USP6NL: variants seen among roughly 807,000 people sequenced by gnomAD.
The protein encoded by USP6NL is USP6 N-terminal-like protein.
In USP6NL, 26 loss-of-function variants were observed where a neutral mutation model predicts 61.9. The ratio of observed to expected loss-of-function variants is 0.42; its 90% CI spans 0.31 to 0.58. The LOEUF (loss-of-function observed/expected upper bound fraction) is 0.58. Among genes scored for constraint, USP6NL ranks in the 20% least tolerant of loss-of-function variants. USP6NL has a pLI of 0.16. For missense variants in USP6NL, 1,114 were observed against 1,034.3 expected (o/e 1.08, Z -1.06); for synonymous variants, 432 against 390.1 (o/e 1.11, Z -1.27).
At chr10:11,573,776 G>C (rs1262363905) in intron 2 of USP6NL, 3 of 396,904 alleles carry the variant, frequency 7.6e-6, no homozygotes, top group African/African-American at 4.1e-5. Flanking sequence ...GCTCAAGCAC[G>C]AACACAGTTC....
chr10:11,463,593 A>G lies in USP6NL; in HGVS notation c.1335T>C (p.Asp445=). The G allele has an allele frequency of 6.2e-7, 1 of 1,613,978 alleles. No homozygotes were observed. ...SVEEESKKLK[D]EADFQRKLPS... The stretch of plus-strand genomic sequence containing the variant: ...GGAGTTTTCTTTGAAAATCTGCCTC[A>G]TCTTTAAGCTTTTTGCTCTCCTCCT... The change falls in exon 15 of 15, where the codon GAT becomes GAC. Residue 445 remains aspartate, a synonymous_variant. Coordinates refer to ENST00000609104, the MANE Select transcript of USP6NL (RefSeq NM_014688.5). The surrounding 1 kb of genome is among the most constrained non-coding windows in gnomAD (Gnocchi z 6.3).
At position 11,585,381 on chromosome 10, in the gene USP6NL, A is replaced by T. The variant is rs1837927053; in HGVS notation, c.4+12250T>A. 6.6e-6 allele frequency among the ~76,000 whole-genome samples: 1 copy of T among 152,234 alleles called. No homozygotes were observed. Among genetic ancestry groups the T allele is most frequent in the Admixed American group, 6.5e-5 (1 of 15,282 alleles). On this transcript the variant is annotated intron_variant, in intron 2 of 14. Transcript: ENST00000609104. The surrounding 1 kb of genome is among the most constrained non-coding windows in gnomAD (Gnocchi z 4.5). ...AGAAGAATTGAAAGCAGGGTTCCAA[A>T]GATGTATTTGTACACCCATGGTTCA...
At chr10:11,601,497 T>C (rs1185378657) in intron 1 of USP6NL, among the ~76,000 whole-genome samples, 1 of 152,242 alleles carries the variant, frequency 6.6e-6, no homozygotes, top group Non-Finnish European at 1.5e-5. Context: ...GACATCATTA[T>C]GTCAGTCTTT....
chr10:11,537,339 T>C lies in USP6NL; in HGVS notation c.5-9772A>G, dbSNP rs1305492801. 6.6e-6 allele frequency among the ~76,000 whole-genome samples: 1 copy of C among 152,120 alleles called. No individual in the cohort carries two copies. Among genetic ancestry groups the C allele is most frequent in the African/African-American group, 2.4e-5 (1 of 41,422 alleles). On this transcript the variant is annotated intron_variant, in intron 2 of 14. Coordinates refer to ENST00000609104, the MANE Select transcript of USP6NL (RefSeq NM_014688.5). This position sits in a 1 kb window ranked among gnomAD's most constrained non-coding sequence, Gnocchi z 5.1. ...GTTGCCCTGGCTGGTCTCGAACTCCTGGGCTGGGGCAATCCACCCACCTTG... is the reference window on the plus strand; with the variant it reads ...GTTGCCCTGGCTGGTCTCGAACTCCCGGGCTGGGGCAATCCACCCACCTTG...
intron 2 of USP6NL, among the ~76,000 whole-genome samples, chr10:11,581,995 G>A (rs1282919565): frequency 1.3e-5 from 2 of 151,756 alleles, no homozygotes; most frequent in African/African-American, 4.8e-5. Context: ...ACGGAGTTTC[G>A]CTCTTGTCTC....
At chr10:11,498,738 G>A (rs1591847520) in intron 7 of USP6NL, among the ~76,000 whole-genome samples, 1 of 151,962 alleles carries the variant, frequency 6.6e-6, no homozygotes, top group Non-Finnish European at 1.5e-5. Context: ...ATCAGGGAAG[G>A]TCTTTGCAAT....
chr10:11,598,253 TCATAA>T lies in USP6NL; in HGVS notation c.-83-541_-83-537del, dbSNP rs1838394436. On this transcript the variant is annotated intron_variant, in intron 1 of 14. Coordinates refer to ENST00000609104, the MANE Select transcript of USP6NL (RefSeq NM_014688.5). This position sits in a 1 kb window ranked among gnomAD's most constrained non-coding sequence, Gnocchi z 4.7. ...AGAATAACAATAAGGTAAACTTCTC[TCATAA>T]CATATTACCCTAACCCCTACATCTA... Among the ~76,000 whole-genome samples the T allele has an allele frequency of 2.0e-5, 3 of 152,196 alleles. No individual in the cohort carries two copies. The South Asian group carries it at 6.2e-4, about 32-fold the overall frequency.
rs1464298206 is a variant in USP6NL, at chr10:11,499,887, TTTTC to T, written c.384+1210_384+1213del. Among the ~76,000 whole-genome samples the T allele has an allele frequency of 1.3e-5, 2 of 152,116 alleles. No individual in the cohort carries two copies. The highest frequency in any genetic ancestry group is 3.8e-4 in the East Asian group (2 of 5,202). ...GAATACAGCATGTAAATAAAGTGCTTTTTCTTTCATTTTCTACTTTCATTATTTA... is the reference window on the plus strand; with the variant it reads ...GAATACAGCATGTAAATAAAGTGCTTTTTCATTTTCTACTTTCATTATTTA... On this transcript the variant is annotated intron_variant, in intron 7 of 14. Transcript: ENST00000609104. The surrounding 1 kb of genome is among the most constrained non-coding windows in gnomAD (Gnocchi z 4.5).
At chr10:11,593,825 G>A (rs912578634) in intron 2 of USP6NL, among the ~76,000 whole-genome samples, 1 of 152,190 alleles carries the variant, frequency 6.6e-6, no homozygotes, top group Non-Finnish European at 1.5e-5. Context: ...GTTAGAGCCA[G>A]GTGCCTCTAA....
chr10:11,471,965 T>TAA (rs543232536), intron 14 of USP6NL, among the ~76,000 whole-genome samples: 11,873 of 137,762 alleles, frequency 0.086, 549 homozygotes, highest in South Asian at 0.2. Context: ...CCCTAAAACT[T>TAA]AAAAAAAAAA....
At chr10:11,552,606 T>C (rs1247058028) in intron 2 of USP6NL, among the ~76,000 whole-genome samples, 1 of 152,214 alleles carries the variant, frequency 6.6e-6, no homozygotes, top group Non-Finnish European at 1.5e-5. Context: ...AGGGTGGGAA[T>C]AAGATCAAGG....
chr10:11,532,920 T>C lies in USP6NL; in HGVS notation c.5-5353A>G, dbSNP rs1056342825. Reference sequence around the variant, plus strand: ...AATATGTACTACAAGTACTGTAAGATGGCACTACAAATTTTTCCATTCTGT... The same window carrying C: ...AATATGTACTACAAGTACTGTAAGACGGCACTACAAATTTTTCCATTCTGT... On this transcript the variant is annotated intron_variant, in intron 2 of 14. Coordinates refer to ENST00000609104, the MANE Select transcript of USP6NL (RefSeq NM_014688.5). This position sits in a 1 kb window ranked among gnomAD's most constrained non-coding sequence, Gnocchi z 4.1. 2.0e-5 allele frequency among the ~76,000 whole-genome samples: 3 copies of C among 152,222 alleles called. No homozygotes were observed. Among genetic ancestry groups the C allele is most frequent in the Non-Finnish European group, 2.9e-5 (2 of 68,050 alleles).
At chr10:11,570,018 G>C (rs1440372457) in intron 2 of USP6NL, among the ~76,000 whole-genome samples, 1 of 152,050 alleles carries the variant, frequency 6.6e-6, no homozygotes. Flanking sequence ...CTCCTCCTTT[G>C]GGATGCTCAC....
rs199595275 is a variant in USP6NL, at chr10:11,490,843, T to C, written c.532A>G (p.Ile178Val). Residue 178 changes from isoleucine (I) to valine (V), a missense_variant, in exon 9 of 15, where the codon ATT becomes GTT. Ile to Val is a conservative substitution (Grantham distance 29). Coordinates refer to ENST00000609104, the MANE Select transcript of USP6NL (RefSeq NM_014688.5). This position sits in a 1 kb window ranked among gnomAD's most constrained non-coding sequence, Gnocchi z 4.5. ...SLFHVLAAYS[I>V]YNTEVGYCQG... ...AGGCCCCAACTTACCGTGTTATAAA[T>C]AGAATAGGCAGCAAGCACATGGAAT... 2.2e-4 allele frequency: 349 copies of C among 1,553,678 alleles called. No homozygotes were observed. Among genetic ancestry groups the C allele is most frequent in the Non-Finnish European group, 2.8e-4 (318 of 1,149,298 alleles).
rs1834079518 is a variant in USP6NL, at chr10:11,499,424, GTAC to G, written c.384+1674_384+1676del. ...GTCTAAAATATAACTGAAAATTAGA[GTAC>G]TATTAGCAGGCAAGCTGGGATGAAT... On this transcript the variant is annotated intron_variant, in intron 7 of 14. Transcript: ENST00000609104. The surrounding 1 kb of genome is among the most constrained non-coding windows in gnomAD (Gnocchi z 4.5). 6.6e-6 allele frequency among the ~76,000 whole-genome samples: 1 copy of G among 152,148 alleles called. No homozygotes were observed. The highest frequency in any genetic ancestry group is 1.5e-5 in the Non-Finnish European group (1 of 68,016).
In USP6NL at chr10:11,546,458, G is replaced by A. The variant is rs147550264; in HGVS notation, c.5-18891C>T. ...GATCTGTCGCCCAGGCTGGAGTGAA[G>A]TGGCACGATCTAGGTTCACCGCAAC... On this transcript the variant is annotated intron_variant, in intron 2 of 14. Transcript: ENST00000609104. Among the ~76,000 whole-genome samples, 177 of 152,238 alleles carry A rather than the reference G, an allele frequency of 1.2e-3. No homozygotes were observed. The East Asian group carries it at 0.031, about 27-fold the overall frequency.
At chr10:11,507,805 CAACT>C (rs1834522245) in intron 6 of USP6NL, among the ~76,000 whole-genome samples, 1 of 152,170 alleles carries the variant, frequency 6.6e-6, no homozygotes, top group Non-Finnish European at 1.5e-5. Context: ...TGCTTTACAT[CAACT>C]AACTTATTTA....
intron 2 of USP6NL, chr10:11,564,572 A>C (rs529498196): frequency 1.3e-5 from 2 of 152,238 alleles, no homozygotes; most frequent in South Asian, 2.1e-4. Flanking sequence ...CTTGCCCTCA[A>C]GAAGCTCACA....
chr10:11,496,626 A>G lies in USP6NL; in HGVS notation c.385-3398T>C, dbSNP rs548728308. 6.6e-6 allele frequency among the ~76,000 whole-genome samples: 1 copy of G among 152,328 alleles called. No homozygotes were observed. Among genetic ancestry groups the G allele is most frequent in the East Asian group, 1.9e-4 (1 of 5,192 alleles). Reference sequence around the variant, plus strand: ...TTAACCATGTTTAATATAAATAAGAATTTATATACATATGTTATATTGACC... The same window carrying G: ...TTAACCATGTTTAATATAAATAAGAGTTTATATACATATGTTATATTGACC... On this transcript the variant is annotated intron_variant, in intron 7 of 14. Coordinates refer to ENST00000609104, the MANE Select transcript of USP6NL (RefSeq NM_014688.5). The surrounding 1 kb of genome is among the most constrained non-coding windows in gnomAD (Gnocchi z 5.4).
Sources: allele counts gnomAD v4.1 joint callset (sites outside exome capture counted in the v4.1 genomes callset), GRCh38; gene constraint gnomAD v4.1.1; non-coding constraint Gnocchi (gnomAD v3.1); transcripts MANE v1.5; gene names NCBI Gene and HGNC (gene_info 2026-07-23, HGNC 2026-07-21).